MYH3: variants seen among roughly 807,000 people sequenced by gnomAD.
MYH3 encodes the protein myosin-3.
MYH3 carries 130 observed loss-of-function variants against 238.0 expected under a neutral mutation model. The ratio of observed to expected loss-of-function variants is 0.55; its 90% CI spans 0.47 to 0.63. The LOEUF (loss-of-function observed/expected upper bound fraction) is 0.63. Among genes scored for constraint, MYH3 ranks in the 30% least tolerant of loss-of-function variants. The pLI is 0.00. For synonymous variants in MYH3, 880 were observed against 924.1 expected, an observed-to-expected ratio of 0.95 and a Z score of 0.86; for missense variants, 1,853 against 2,374.9, an observed-to-expected ratio of 0.78 and a Z score of 4.57.
Position 10,654,178 on chromosome 17 carries a change from CTTT to C in MYH3, c.204+680_204+682del, listed in dbSNP as rs2074405997. ...CTTTCTTTCTTTCCTTCCTTCCTTG[CTTT>C]CTTTCTTCCTTCTTTCTTTCCTTCC... is the stretch of plus-strand genomic sequence containing the variant. On this transcript the variant is annotated intron_variant, in intron 3 of 40. Coordinates refer to ENST00000583535, the MANE Select transcript of MYH3 (RefSeq NM_002470.4). This position sits in a 1 kb window ranked among gnomAD's most constrained non-coding sequence, Gnocchi z 4.5. Among the ~76,000 whole-genome samples, 1 of 147,860 alleles carries C rather than the reference CTTT, an allele frequency of 6.8e-6. No individual in the cohort carries two copies. Among genetic ancestry groups the C allele is most frequent in the Admixed American group, 7.4e-5 (1 of 13,440 alleles).
At chr17:10,629,523 T>C in intron 40 of MYH3, 74 bp downstream of exon 40, 2 of 1,591,018 alleles carry the variant, frequency 1.3e-6, no homozygotes, top group Non-Finnish European at 1.7e-6. Flanking sequence ...AAGTAAAGGG[T>C]TCTCTGAGGT....
chr17:10,676,554 A>G, the MYH3 span: 2 of 152,192 alleles, frequency 1.3e-5, no homozygotes, highest in African/African-American at 4.8e-5. Context: ...TACTTTTTGA[A>G]TAAGTTTCCA....
intron 3 of MYH3, among the ~76,000 whole-genome samples, chr17:10,653,480 C>A (rs2074398670): frequency 6.6e-6 from 1 of 152,164 alleles, no homozygotes; most frequent in Non-Finnish European, 1.5e-5. Flanking sequence ...GCCCTCCCCA[C>A]CCCTTTCCTG....
chr17:10,651,627 C>G lies in MYH3; in HGVS notation c.390G>C (p.Lys130Asn). Reference protein sequence around the residue: ...GLFCVTVNPYKWLPVYNPEVV... With the variant: ...GLFCVTVNPYNWLPVYNPEVV... ...CCTCGGGGTTGTACACCGGCAGCCA[C>G]TTGTAGGGGTTGACAGTGACACAGA... Residue 130 changes from lysine to asparagine, a missense_variant, in exon 5 of 41, where the codon AAG becomes AAC. By Grantham distance (94) the Lys-to-Asn change is moderately conservative (BLOSUM62 0). Transcript: ENST00000583535. 6.2e-7 allele frequency: 1 copy of G among 1,614,064 alleles called. No homozygotes were observed. Among genetic ancestry groups the G allele is most frequent in the Non-Finnish European group, 8.5e-7 (1 of 1,180,010 alleles).
Position 10,628,568 on chromosome 17 carries a change from G to T in MYH3, c.*85C>A. 1 of 1,446,248 alleles carries T rather than the reference G, an allele frequency of 6.9e-7. No homozygotes were observed. The highest frequency in any genetic ancestry group is 9.7e-7 in the Non-Finnish European group (1 of 1,027,102). The allele number at this position is 1,446,248 out of a possible 1,614,324, so 89.6% of individuals were successfully genotyped here. A position where few individuals can be genotyped will look rare whatever the true frequency, so the allele number is the denominator to read the frequency against. ...CAAAGTTTATTGCATGTGAAAAAGA[G>T]TCACATGGACATTAAGTATCAATGG... On this transcript the variant is annotated 3_prime_UTR_variant, in exon 41 of 41. Transcript: ENST00000583535.
Position 10,655,086 on chromosome 17 carries a change from C to A in MYH3, c.-8-14G>T, listed in dbSNP as rs376611204. 74 of 1,610,356 alleles carry A rather than the reference C, an allele frequency of 4.6e-5. No homozygotes were observed. The highest frequency in any genetic ancestry group is 5.9e-5 in the Non-Finnish European group (69 of 1,177,010). ...TCATGGTGTCAGCTGGAAGGCAAACCCACCCGGTGAGCTCAGCAGCCCCCT... is the reference window on the plus strand; with the variant it reads ...TCATGGTGTCAGCTGGAAGGCAAACACACCCGGTGAGCTCAGCAGCCCCCT... On this transcript the variant is annotated splice_polypyrimidine_tract_variant and intron_variant, in intron 2 of 40. Coordinates refer to ENST00000583535, the MANE Select transcript of MYH3 (RefSeq NM_002470.4).
chr17:10,674,370 G>C, the MYH3 span: 1 of 201,024 alleles, frequency 5.0e-6, no homozygotes, highest in Admixed American at 5.4e-5. Context: ...AGGTTGCAGT[G>C]AGCCAAGATC....
intron 40 of MYH3, 121 bp downstream of exon 40, chr17:10,629,476 C>CTTTAAG: frequency 7.5e-7 from 1 of 1,338,764 alleles, no homozygotes; most frequent in Non-Finnish European, 1.0e-6. Flanking sequence ...TGACTTTAAG[C>CTTTAAG]ACTTTCTCTT....
At chr17:10,670,743 A>G in the MYH3 span, among the ~76,000 whole-genome samples, 1 of 152,156 alleles carries the variant, frequency 6.6e-6, no homozygotes, top group East Asian at 1.9e-4. The surrounding 1 kb of genome is among the most constrained non-coding windows in gnomAD (Gnocchi z 7.0). Context: ...TTATGCAAAC[A>G]ATGGGATCAA....
the MYH3 span, among the ~76,000 whole-genome samples, chr17:10,662,312 G>A: frequency 6.6e-6 from 1 of 152,170 alleles, no homozygotes; most frequent in Non-Finnish European, 1.5e-5. Flanking sequence ...AGGAGCCACT[G>A]CGTCTGGTCC....
chr17:10,644,209 G>T, intron 14 of MYH3, 142 bp downstream of exon 14: 1 of 842,100 alleles, frequency 1.2e-6, no homozygotes, highest in Non-Finnish European at 1.9e-6. Flanking sequence ...AATAAGTACC[G>T]CTCCTCTATT....
upstream of MYH3, among the ~76,000 whole-genome samples, chr17:10,662,076 C>A (rs948016957): frequency 6.6e-6 from 1 of 151,584 alleles, no homozygotes; most frequent in Non-Finnish European, 1.5e-5. Context: ...GGCTGGAGTG[C>A]AGTGCCATGA....
Position 10,633,416 on chromosome 17 carries a change from A to T in MYH3, c.4647+175T>A, listed in dbSNP as rs2074183662. 1.3e-5 allele frequency among the ~76,000 whole-genome samples: 2 copies of T among 152,222 alleles called. 1 individual carries two copies. Among genetic ancestry groups the T allele is most frequent in the South Asian group, 4.1e-4 (2 of 4,830 alleles). Reference sequence around the variant, plus strand: ...GACAGTCTTCTCCAATAAATTTAAGATAATTCACAGGTATTATTCAGCCTC... The same window carrying T: ...GACAGTCTTCTCCAATAAATTTAAGTTAATTCACAGGTATTATTCAGCCTC... On this transcript the variant is annotated intron_variant, in intron 33 of 40. Coordinates refer to ENST00000583535, the MANE Select transcript of MYH3 (RefSeq NM_002470.4).
At position 10,639,754 on chromosome 17, in the gene MYH3, T is replaced by G; in HGVS notation, c.2731A>C (p.Lys911Gln). ...TTGGCCTCGAGCTGGAATTTGGCTT[T>G]GATCAGCTGATCGCATCTTTCCTCA... The part of the protein sequence containing the change: ...DAEERCDQLI[K>Q]AKFQLEAKIK... Residue 911 changes from lysine to glutamine, a missense_variant, in exon 23 of 41, where the codon AAA (lysine) becomes CAA (glutamine). Around this residue, in one of 3 missense-constraint regions of MYH3, gnomAD observed 678 missense variants for 1,058.9 expected, o/e 0.64. Coordinates refer to ENST00000583535, the MANE Select transcript of MYH3 (RefSeq NM_002470.4). 6.2e-7 allele frequency: 1 copy of G among 1,614,076 alleles called. No homozygotes were observed. The highest frequency in any genetic ancestry group is 8.5e-7 in the Non-Finnish European group (1 of 1,180,014).
chr17:10,633,162 A>C (rs1404244165), intron 33 of MYH3, among the ~76,000 whole-genome samples: 1 of 152,224 alleles, frequency 6.6e-6, no homozygotes, highest in Non-Finnish European at 1.5e-5. Flanking sequence ...CAGTGGGCCT[A>C]GATTGCCAGC....
At position 10,634,058 on chromosome 17, in the gene MYH3, T is replaced by G. The variant is rs1325303767; in HGVS notation, c.4481A>C (p.Asp1494Ala). ...TTCCCGTTTCACAGTTTCAAGTTGA[T>G]CTAAGGCTTCCTCGTAGGCATTTTT... Reference protein sequence around the residue: ...KLKNAYEEALDQLETVKRENK... With the variant: ...KLKNAYEEALAQLETVKRENK... The change falls in exon 32 of 41, where the codon GAT (aspartate) becomes GCT (alanine). Residue 1494 changes from aspartate (D) to alanine (A), a missense_variant. By Grantham distance (126) the Asp-to-Ala change is moderately radical. Transcript: ENST00000583535. The G allele has an allele frequency of 5.6e-6, 9 of 1,614,084 alleles. No individual in the cohort carries two copies. Among genetic ancestry groups the G allele is most frequent in the Non-Finnish European group, 7.6e-6 (9 of 1,180,042 alleles).
At chr17:10,674,543 A>G in the MYH3 span, 9 of 185,480 alleles carry the variant, frequency 4.9e-5, no homozygotes, top group East Asian at 1.5e-3. Context: ...CGGACCACAG[A>G]CTACACTGAG....
chr17:10,671,035 C>A, the MYH3 span, among the ~76,000 whole-genome samples: 1 of 152,066 alleles, frequency 6.6e-6, no homozygotes, highest in Non-Finnish European at 1.5e-5. Context: ...GGACTACAGG[C>A]ACGCACCACC....
chr17:10,666,578 CA>C, the MYH3 span, among the ~76,000 whole-genome samples: 673 of 68,610 alleles, frequency 9.8e-3, 3 homozygotes, highest in African/African-American at 0.032. Context: ...CTTGTCTCTA[CA>C]AAAAAAAAAA....
Sources: allele counts gnomAD v4.1 joint callset (sites outside exome capture counted in the v4.1 genomes callset), GRCh38; gene constraint gnomAD v4.1.1; regional missense constraint gnomAD v4.1.1; non-coding constraint Gnocchi (gnomAD v3.1); transcripts MANE v1.5; gene names NCBI Gene and HGNC (gene_info 2026-07-23, HGNC 2026-07-21).